Variants in ARSJ observed in about 807,000 individuals in gnomAD.
ARSJ encodes the protein arylsulfatase J.
Under a neutral mutation model 35.9 loss-of-function variants are expected in ARSJ, and 26 were observed. The observed-to-expected ratio is 0.72, with a 90% confidence interval of 0.53 to 1.00. The LOEUF is 1.00. Among genes scored for constraint, ARSJ ranks in the 50% least tolerant of loss-of-function variants. ARSJ has a pLI of 0.00. For synonymous variants in ARSJ, 294 were observed against 267.6 expected (o/e 1.10, Z -0.96); for missense variants, 667 against 723.6 (o/e 0.92, Z 0.90).
intron 1 of ARSJ, among the ~76,000 whole-genome samples, chr4:113,968,555 ACT>A (rs1727037904): frequency 6.6e-6 from 1 of 152,100 alleles, no homozygotes. Context: ...AATGAAGAAC[ACT>A]CTACCAAAGG....
intron 1 of ARSJ, among the ~76,000 whole-genome samples, chr4:113,973,331 A>C (rs557874217): frequency 1.3e-5 from 2 of 152,258 alleles, no homozygotes; most frequent in East Asian, 3.9e-4. Context: ...TGGTGTTCTC[A>C]TTTCAATGAC....
chr4:113,948,125 G>A (rs1260342412), intron 1 of ARSJ, among the ~76,000 whole-genome samples: 1 of 152,080 alleles, frequency 6.6e-6, no homozygotes, highest in African/African-American at 2.4e-5. Flanking sequence ...GGAGGTGGAG[G>A]TTGCAGCCAG....
intron 1 of ARSJ, among the ~76,000 whole-genome samples, chr4:113,904,359 T>G (rs1290281239): frequency 6.6e-6 from 1 of 152,236 alleles, no homozygotes; most frequent in East Asian, 1.9e-4. Flanking sequence ...ATTATTGCTT[T>G]TAACCTAGGG....
chr4:113,948,278 T>C (rs1295600211), intron 1 of ARSJ, among the ~76,000 whole-genome samples: 1 of 152,172 alleles, frequency 6.6e-6, no homozygotes, highest in Non-Finnish European at 1.5e-5. Flanking sequence ...GTCTTATTTA[T>C]ATTAGCCTGA....
chr4:113,939,013 T>C (rs1284656345), intron 1 of ARSJ, among the ~76,000 whole-genome samples: 5 of 150,918 alleles, frequency 3.3e-5, no homozygotes, highest in African/African-American at 1.2e-4. Context: ...CTGCACCCAT[T>C]AACTCATCAT....
chr4:113,932,115 C>CA (rs1051154124), intron 1 of ARSJ, among the ~76,000 whole-genome samples: 42 of 152,056 alleles, frequency 2.8e-4, no homozygotes, highest in Middle Eastern at 3.4e-3. Flanking sequence ...TAAAAACTGA[C>CA]AAAAAATGTC....
At chr4:113,968,996 G>A (rs995402625) in intron 1 of ARSJ, among the ~76,000 whole-genome samples, 1 of 152,132 alleles carries the variant, frequency 6.6e-6, no homozygotes, top group Non-Finnish European at 1.5e-5. Context: ...GGGTGAGTTG[G>A]AATTCAAAGC....
intron 1 of ARSJ, among the ~76,000 whole-genome samples, chr4:113,957,335 T>A (rs1726244708): frequency 6.6e-6 from 1 of 152,038 alleles, no homozygotes; most frequent in Non-Finnish European, 1.5e-5. Context: ...CTTCTTCTTT[T>A]AAAAAACTTA....
At chr4:113,914,163 C>T (rs968252870) in intron 1 of ARSJ, among the ~76,000 whole-genome samples, 7 of 151,726 alleles carry the variant, frequency 4.6e-5, no homozygotes, top group Admixed American at 1.3e-4. Context: ...TATTACAGAC[C>T]GGGTTTCACT....
rs768075838 is a variant in ARSJ, at chr4:113,978,748, C to A, written c.87G>T (p.Ala29=). 17 of 1,614,230 alleles carry A rather than the reference C, an allele frequency of 1.1e-5. 1 individual carries two copies. The Middle Eastern group carries it at 2.6e-3, about 251-fold the overall frequency. The change falls in exon 1 of 2, where the codon GCG becomes GCT. Residue 29 remains alanine, a synonymous_variant. Coordinates refer to ENST00000315366, the MANE Select transcript of ARSJ (RefSeq NM_024590.4). ...GGCAGAGGATCCAGAATCCTGCCAGCGCCCCCATTGCTAGCATCTTTCCAG... is the reference window on the plus strand; with the variant it reads ...GGCAGAGGATCCAGAATCCTGCCAGAGCCCCCATTGCTAGCATCTTTCCAG... ...VCPGKMLAMG[A]LAGFWILCLL...
At chr4:113,918,752 A>G (rs533765146) in intron 1 of ARSJ, among the ~76,000 whole-genome samples, 4 of 152,250 alleles carry the variant, frequency 2.6e-5, no homozygotes, top group African/African-American at 7.2e-5. Flanking sequence ...TTAAATTCCA[A>G]TACTGAATCC....
At position 113,901,886 on chromosome 4, in the gene ARSJ, TGCG is replaced by T. The variant is rs2099667185; in HGVS notation, c.*385_*387del. 7.3e-5 allele frequency: 3 copies of T among 41,282 alleles called. No individual in the cohort carries two copies. Among genetic ancestry groups the T allele is most frequent in the Non-Finnish European group, 3.0e-4 (3 of 9,872 alleles). The allele number at this position is 41,282 out of a possible 1,614,324, so 2.6% of individuals were successfully genotyped here. On this transcript the variant is annotated 3_prime_UTR_variant, in exon 2 of 2. Coordinates refer to ENST00000315366, the MANE Select transcript of ARSJ (RefSeq NM_024590.4). Reference sequence around the variant, plus strand: ...GTAACTTCCATCAAATTAGCATGCTTGCGGATGGTATACCCTGTAACTTCCATC... The same window carrying T: ...GTAACTTCCATCAAATTAGCATGCTTGATGGTATACCCTGTAACTTCCATC...
intron 1 of ARSJ, among the ~76,000 whole-genome samples, chr4:113,928,587 C>T (rs1441243800): frequency 6.6e-6 from 1 of 152,184 alleles, no homozygotes; most frequent in African/African-American, 2.4e-5. Flanking sequence ...CTGATTGCTG[C>T]TTTGTCTCTG....
At chr4:113,963,015 G>A (rs1726657044) in intron 1 of ARSJ, among the ~76,000 whole-genome samples, 1 of 151,966 alleles carries the variant, frequency 6.6e-6, no homozygotes, top group African/African-American at 2.4e-5. Flanking sequence ...TCTGCCTGGA[G>A]AAGCTACATA....
chr4:113,930,315 G>A (rs560124979), intron 1 of ARSJ, among the ~76,000 whole-genome samples: 1 of 152,230 alleles, frequency 6.6e-6, no homozygotes, highest in South Asian at 2.1e-4. Flanking sequence ...TGCATCATGG[G>A]AGAACAATGT....
chr4:113,957,127 C>T (rs1450447817), intron 1 of ARSJ, among the ~76,000 whole-genome samples: 1 of 151,972 alleles, frequency 6.6e-6, no homozygotes, highest in Non-Finnish European at 1.5e-5. Context: ...TAATATAAAA[C>T]GTTTTCAAGC....
intron 1 of ARSJ, among the ~76,000 whole-genome samples, chr4:113,935,266 T>C (rs939401402): frequency 2.6e-5 from 4 of 151,904 alleles, no homozygotes; most frequent in African/African-American, 9.7e-5. Flanking sequence ...ATGCAAAATA[T>C]GATTCTGTAA....
At chr4:113,925,536 G>C (rs755158119) in intron 1 of ARSJ, among the ~76,000 whole-genome samples, 1 of 152,046 alleles carries the variant, frequency 6.6e-6, no homozygotes, top group Non-Finnish European at 1.5e-5. Flanking sequence ...ATTTCAAAAG[G>C]CCACTCCACC....
intron 1 of ARSJ, among the ~76,000 whole-genome samples, chr4:113,932,019 C>T: frequency 6.6e-6 from 1 of 151,962 alleles, no homozygotes; most frequent in East Asian, 1.9e-4. Flanking sequence ...AAAAGATATT[C>T]CATGCACTAG....
Sources: allele counts gnomAD v4.1 joint callset (sites outside exome capture counted in the v4.1 genomes callset), GRCh38; gene constraint gnomAD v4.1.1; transcripts MANE v1.5; gene names NCBI Gene and HGNC (gene_info 2026-07-23, HGNC 2026-07-21).